The following DDX60L variants were observed in gnomAD, a reference collection of about 807,000 sequenced individuals.
DDX60L encodes DExD/H-box 60 like.
A neutral mutation model predicts 211.6 loss-of-function variants in DDX60L; 191 were observed. The ratio of observed to expected loss-of-function variants is 0.90; its 90% CI spans 0.80 to 1.02. The LOEUF (loss-of-function observed/expected upper bound fraction) is 1.02. DDX60L is among the 50% of genes least tolerant of loss of function. DDX60L has a pLI of 0.00. For synonymous variants in DDX60L, 706 were observed against 694.1 expected, an observed-to-expected ratio of 1.02 and a Z score of -0.27; for missense variants, 2,007 against 1,984.1, an observed-to-expected ratio of 1.01 and a Z score of -0.22.
At chr4:168,438,354 A>G (rs1753358409) in intron 10 of DDX60L, among the ~76,000 whole-genome samples, 1 of 152,208 alleles carries the variant, frequency 6.6e-6, no homozygotes, top group Non-Finnish European at 1.5e-5. Flanking sequence ...ATATAAAACC[A>G]AACTGTAACC....
chr4:168,396,859 C>T (rs1579365846), intron 26 of DDX60L, among the ~76,000 whole-genome samples: 1 of 152,002 alleles, frequency 6.6e-6, no homozygotes, highest in African/African-American at 2.4e-5. Flanking sequence ...CTTTAGGCAA[C>T]GTCTGAATTA....
In DDX60L at chr4:168,421,615, A is replaced by T. The variant is rs970909506; in HGVS notation, c.2394+145T>A. On this transcript the variant is annotated intron_variant, in intron 17 of 37. Transcript: ENST00000682922. Reference sequence around the variant, plus strand: ...GGTTGCAGTGAGCCGAGATCGCGCCACTGCACTCCAGCCTGAGTGACAGAG... The same window carrying T: ...GGTTGCAGTGAGCCGAGATCGCGCCTCTGCACTCCAGCCTGAGTGACAGAG... 4 of 1,080,902 alleles carry T rather than the reference A, an allele frequency of 3.7e-6. No individual in the cohort carries two copies. In the African/African-American group the frequency reaches 6.3e-5, roughly 17 times the overall value. 67.0% of individuals were successfully genotyped at this position (1,080,902 alleles called of 1,614,324 possible). A position where few individuals can be genotyped will look rare whatever the true frequency, so the allele number is the denominator to read the frequency against.
intron 24 of DDX60L, 68 bp downstream of exon 24, chr4:168,405,881 TA>T (rs1747663844): frequency 4.2e-6 from 6 of 1,444,980 alleles, no homozygotes; most frequent in Non-Finnish European, 5.5e-6. Context: ...ATTTATTGGC[TA>T]AATTATTATG....
intron 36 of DDX60L, among the ~76,000 whole-genome samples, chr4:168,369,297 G>A (rs1248829018): frequency 6.6e-6 from 1 of 152,080 alleles, no homozygotes; most frequent in Non-Finnish European, 1.5e-5. Context: ...TTAAAAATGG[G>A]AGTTTCCCTG....
intron 9 of DDX60L, among the ~76,000 whole-genome samples, chr4:168,444,585 G>A: frequency 3.3e-5 from 4 of 121,934 alleles, no homozygotes; most frequent in South Asian, 3.2e-4. Flanking sequence ...ATTTTTTTCA[G>A]CACCACACCA....
At chr4:168,421,488 C>CT (rs1750606088) in intron 17 of DDX60L, among the ~76,000 whole-genome samples, 1 of 152,226 alleles carries the variant, frequency 6.6e-6, no homozygotes, top group Non-Finnish European at 1.5e-5. Flanking sequence ...AACCCTGTCT[C>CT]TACTAAAAAC....
At chr4:168,429,361 G>A (rs1333659985) in intron 13 of DDX60L, among the ~76,000 whole-genome samples, 1 of 152,072 alleles carries the variant, frequency 6.6e-6, no homozygotes, top group Non-Finnish European at 1.5e-5. Context: ...GGCCAGCCAG[G>A]CTGGTGTCGA....
At chr4:168,465,127 T>C (rs914547970) in intron 4 of DDX60L, among the ~76,000 whole-genome samples, 1 of 147,604 alleles carries the variant, frequency 6.8e-6, no homozygotes. Context: ...AGCATATGAG[T>C]TACCCTTTCT....
At chr4:168,372,005 C>T in intron 35 of DDX60L, among the ~76,000 whole-genome samples, 1 of 152,086 alleles carries the variant, frequency 6.6e-6, no homozygotes, top group East Asian at 1.9e-4. Context: ...GAATGGGCAG[C>T]ACCGCTGAGG....
At chr4:168,410,271 GA>G (rs569689780) in intron 22 of DDX60L, among the ~76,000 whole-genome samples, 2 of 151,424 alleles carry the variant, frequency 1.3e-5, no homozygotes, top group African/African-American at 2.4e-5. Context: ...AAGACTTCTG[GA>G]AAAAAAAATC....
intron 25 of DDX60L, among the ~76,000 whole-genome samples, chr4:168,401,271 C>G (rs1321003046): frequency 6.6e-6 from 1 of 152,220 alleles, no homozygotes; most frequent in Non-Finnish European, 1.5e-5. Flanking sequence ...CCTGGTAAAA[C>G]TCTGGTCTCC....
intron 34 of DDX60L, 137 bp from the exon 35 acceptor site, chr4:168,373,945 A>G (rs757419492): frequency 1.1e-4 from 89 of 795,382 alleles, no homozygotes; most frequent in Middle Eastern, 8.6e-4. Context: ...TATGGTGCAT[A>G]AAGTCATTAA....
rs558613050 is a variant in DDX60L at position 168,367,323 on chromosome 4, G to A, written c.4928+4289C>T. Among the ~76,000 whole-genome samples the A allele has an allele frequency of 2.0e-5, 3 of 152,280 alleles. No homozygotes were observed. The East Asian group carries it at 5.8e-4, about 29-fold the overall frequency. On this transcript the variant is annotated intron_variant, in intron 36 of 37. Transcript: ENST00000682922. ...TTTTCTGCACTGTTCTTCTGATAGTGAATGAGTCTCATGAGACCTGATGGT... is the reference window on the plus strand; with the variant it reads ...TTTTCTGCACTGTTCTTCTGATAGTAAATGAGTCTCATGAGACCTGATGGT...
At chr4:168,478,462 C>G (rs1759915616) in intron 1 of DDX60L, among the ~76,000 whole-genome samples, 1 of 152,084 alleles carries the variant, frequency 6.6e-6, no homozygotes, top group South Asian at 2.1e-4. Flanking sequence ...TCCAAATAAA[C>G]TATGAGCTGC....
rs369307435 is a variant in DDX60L at position 168,424,299 on chromosome 4, C to T, written c.1931-525G>A. On this transcript the variant is annotated intron_variant, in intron 14 of 37. Coordinates refer to ENST00000682922, the MANE Select transcript of DDX60L (RefSeq NM_001012967.3). ...GCTAAGATACAACCTCACTGCATCC[C>T]AATCATTCTATCCAGACTCTCCTAA... Among the ~76,000 whole-genome samples the T allele has an allele frequency of 3.3e-4, 51 of 152,312 alleles. No homozygotes were observed. In the South Asian group the frequency reaches 0.01, roughly 31 times the overall value.
chr4:168,371,884 G>T, intron 35 of DDX60L, 121 bp from the exon 36 acceptor site: 1 of 964,788 alleles, frequency 1.0e-6, no homozygotes, highest in Non-Finnish European at 1.5e-6. Flanking sequence ...TTGAAGTGAA[G>T]GAGGCAGGCA....
intron 22 of DDX60L, among the ~76,000 whole-genome samples, chr4:168,413,850 C>G (rs1032289305): frequency 6.6e-6 from 1 of 151,976 alleles, no homozygotes; most frequent in Non-Finnish European, 1.5e-5. Context: ...CTTCCCAAAC[C>G]TAGAGAAATA....
At chr4:168,361,497 C>A in intron 36 of DDX60L, 1 of 230,890 alleles carries the variant, frequency 4.3e-6, no homozygotes, top group Non-Finnish European at 8.3e-6. Context: ...GAAAACAAAA[C>A]AAGTTGATAG....
At chr4:168,452,427 G>C (rs1219165482) in intron 8 of DDX60L, among the ~76,000 whole-genome samples, 1 of 152,150 alleles carries the variant, frequency 6.6e-6, no homozygotes, top group Non-Finnish European at 1.5e-5. Context: ...AACGTATTTA[G>C]TAGCCATAAA....
Sources: gnomAD v4.1 joint callset for allele counts (sites outside exome capture counted in the v4.1 genomes callset) on GRCh38, gnomAD v4.1.1 for gene constraint, MANE v1.5 for transcripts, NCBI Gene and HGNC (gene_info 2026-07-23, HGNC 2026-07-21) for gene names.